Variants in CREB1 observed in about 807,000 individuals in gnomAD.
CREB1 encodes the protein cAMP responsive element binding protein 1.
In CREB1, 2 loss-of-function variants were observed where a neutral mutation model predicts 42.0. The ratio of observed to expected loss-of-function variants is 0.05; its 90% CI spans 0.02 to 0.15. The LOEUF is 0.15. Ranked by LOEUF, CREB1 falls within the 10% of genes least tolerant of loss-of-function variation. The pLI, the probability that CREB1 is intolerant of heterozygous loss-of-function variation, is 1.00. For missense variants in CREB1, 199 were observed against 388.9 expected, an observed-to-expected ratio of 0.51 and a Z score of 4.11; for synonymous variants, 123 against 139.9, an observed-to-expected ratio of 0.88 and a Z score of 0.85.
chr2:207,530,494 G>C (rs1357910403), intron 1 of CREB1, among the ~76,000 whole-genome samples: 1 of 144,548 alleles, frequency 6.9e-6, no homozygotes, highest in Non-Finnish European at 1.5e-5. Flanking sequence ...CGCCGCCGCC[G>C]GGCCGGGCGC....
intron 7 of CREB1, among the ~76,000 whole-genome samples, chr2:207,594,042 G>A (rs1027712362): frequency 6.6e-6 from 1 of 152,054 alleles, no homozygotes; most frequent in Non-Finnish European, 1.5e-5. Flanking sequence ...ACCTTTTGAG[G>A]TAGAAAATAT....
At chr2:207,580,530 G>C (rs1161116446) in intron 7 of CREB1, 1 of 218,540 alleles carries the variant, frequency 4.6e-6, no homozygotes, top group East Asian at 6.7e-5. Flanking sequence ...AAAGTTAAGA[G>C]AAGCACACTC....
intron 7 of CREB1, among the ~76,000 whole-genome samples, chr2:207,594,542 C>T (rs2085740850): frequency 6.6e-6 from 1 of 152,132 alleles, no homozygotes; most frequent in Admixed American, 6.5e-5. Context: ...TTTTGGCATG[C>T]AGAGGGCCTT....
chr2:207,579,341 TA>T (rs1178556415), intron 7 of CREB1, among the ~76,000 whole-genome samples: 2 of 152,166 alleles, frequency 1.3e-5, no homozygotes, highest in Non-Finnish European at 2.9e-5. Flanking sequence ...CACTGCTTAC[TA>T]AAGAAAAGAG....
intron 3 of CREB1, among the ~76,000 whole-genome samples, chr2:207,567,088 C>G (rs181190485): frequency 6.6e-6 from 1 of 152,186 alleles, no homozygotes; most frequent in East Asian, 1.9e-4. Flanking sequence ...TTTGTATAGT[C>G]ACTATATAGA....
intron 1 of CREB1, among the ~76,000 whole-genome samples, chr2:207,551,820 G>A (rs1017545675): frequency 5.9e-5 from 9 of 152,028 alleles, no homozygotes; most frequent in African/African-American, 1.9e-4. Context: ...GAGGTGGGCG[G>A]ATCAGGAGGT....
At chr2:207,559,925 T>C (rs2081888499) in intron 2 of CREB1, among the ~76,000 whole-genome samples, 1 of 152,168 alleles carries the variant, frequency 6.6e-6, no homozygotes, top group African/African-American at 2.4e-5. Context: ...TAAAGTGCCA[T>C]ACAAATAAAG....
At chr2:207,534,793 C>T (rs1266238655) in intron 1 of CREB1, 1 of 152,160 alleles carries the variant, frequency 6.6e-6, no homozygotes, top group Non-Finnish European at 1.5e-5. Flanking sequence ...CATTCTCTTG[C>T]CCTATTACCT....
At chr2:207,562,423 G>A (rs907355019) in intron 3 of CREB1, among the ~76,000 whole-genome samples, 4 of 152,008 alleles carry the variant, frequency 2.6e-5, no homozygotes, top group African/African-American at 9.6e-5. Flanking sequence ...CTTTATTCTG[G>A]GGCAACATAA....
At chr2:207,593,139 C>T (rs753661482) in intron 7 of CREB1, among the ~76,000 whole-genome samples, 17 of 152,176 alleles carry the variant, frequency 1.1e-4, no homozygotes, top group Non-Finnish European at 2.2e-4. Flanking sequence ...GATTCCTTTT[C>T]ATAATTTCCA....
chr2:207,536,659 T>C (rs1334620998), intron 1 of CREB1, among the ~76,000 whole-genome samples: 2 of 152,204 alleles, frequency 1.3e-5, no homozygotes, highest in Non-Finnish European at 2.9e-5. Context: ...AAGAATATTG[T>C]TTTGAGGTTT....
intron 3 of CREB1, among the ~76,000 whole-genome samples, chr2:207,563,587 A>T (rs942288433): frequency 1.3e-5 from 2 of 152,216 alleles, no homozygotes; most frequent in Non-Finnish European, 2.9e-5. Context: ...CAATGCCAGC[A>T]GTTGTTAAAT....
In CREB1 at chr2:207,558,519, T is replaced by C. The variant is rs141506266; in HGVS notation, c.115-1707T>C. Among the ~76,000 whole-genome samples, 414 of 152,286 alleles carry C rather than the reference T, an allele frequency of 2.7e-3. 1 individual carries two copies. The highest frequency in any genetic ancestry group is 5.0e-3 in the Admixed American group (76 of 15,292). On this transcript the variant is annotated intron_variant, in intron 2 of 7. Transcript: ENST00000353267. The stretch of plus-strand genomic sequence containing the variant: ...CTTCCCTCGTTCCCATCTCTACTAC[T>C]ACTAACTGCCCTCTTTTTGGCCTTC...
rs1357555013 is a variant in CREB1 at position 207,571,609 on chromosome 2, C to T, written c.505+1288C>T. On this transcript the variant is annotated intron_variant, in intron 5 of 7. Coordinates refer to ENST00000353267, the MANE Select transcript of CREB1 (RefSeq NM_004379.5). Reference sequence around the variant, plus strand: ...TTTGTGGCAGATATAAAGTACAACTCTTTACCTACAATTCTGTACGTGTAT... The same window carrying T: ...TTTGTGGCAGATATAAAGTACAACTTTTTACCTACAATTCTGTACGTGTAT... The T allele has an allele frequency of 1.5e-5, 4 of 267,646 alleles. No homozygotes were observed. In the Admixed American group the frequency reaches 1.7e-4, roughly 12 times the overall value. 16.6% of individuals were successfully genotyped at this position (267,646 alleles called of 1,614,324 possible). A position where few individuals can be genotyped will look rare whatever the true frequency, so the allele number is the denominator to read the frequency against.
intron 1 of CREB1, among the ~76,000 whole-genome samples, chr2:207,540,832 G>A (rs998977421): frequency 6.6e-6 from 1 of 152,064 alleles, no homozygotes; most frequent in Non-Finnish European, 1.5e-5. Flanking sequence ...TATTACAAAA[G>A]AGTTGACAAG....
At chr2:207,540,669 T>TAAAAAAAAAAAAAAAAAAAAAAAAAA (rs35714520) in intron 1 of CREB1, among the ~76,000 whole-genome samples, 1 of 64,268 alleles carries the variant, frequency 1.6e-5, no homozygotes, top group African/African-American at 7.0e-5. Flanking sequence ...GTTTAAAAAG[T>TAAAAAAAAAAAAAAAAAAAAAAAAAA]AAAAAAAAAA....
chr2:207,579,142 A>C (rs1049498133), intron 7 of CREB1, among the ~76,000 whole-genome samples: 1 of 152,184 alleles, frequency 6.6e-6, no homozygotes. Context: ...TTTAAGTTTT[A>C]CTAAAGAGAA....
chr2:207,592,562 C>G (rs1181697725), intron 7 of CREB1, among the ~76,000 whole-genome samples: 1 of 152,140 alleles, frequency 6.6e-6, no homozygotes, highest in Non-Finnish European at 1.5e-5. Context: ...CCTCCTTCCT[C>G]CCCCATCCCC....
Position 207,598,053 on chromosome 2 carries a change from C to CA in CREB1, c.*998dup, listed in dbSNP as rs904810360. The CA allele has an allele frequency of 1.1e-5, 2 of 180,554 alleles. No homozygotes were observed. Among genetic ancestry groups the CA allele is most frequent in the Non-Finnish European group, 2.4e-5 (2 of 84,722 alleles). The allele number at this position is 180,554 out of a possible 1,614,324, so 11.2% of individuals were successfully genotyped here. ...ACCACCAAGAAAGCCTTCAAGATGT[C>CA]AAATAAAGCAAAGTGATATATATTT... On this transcript the variant is annotated 3_prime_UTR_variant, in exon 8 of 8. Transcript: ENST00000353267.
Sources: allele counts gnomAD v4.1 joint callset (sites outside exome capture counted in the v4.1 genomes callset), GRCh38; gene constraint gnomAD v4.1.1; transcripts MANE v1.5; gene names NCBI Gene and HGNC (gene_info 2026-07-23, HGNC 2026-07-21).